Variants in DLG2 observed in about 807,000 individuals in gnomAD.
DLG2 encodes the protein discs large MAGUK scaffold protein 2.
Under a neutral mutation model 132.5 loss-of-function variants are expected in DLG2, and 45 were observed. That is an observed-to-expected ratio of 0.34 (90% CI 0.27 to 0.44). DLG2 has a LOEUF of 0.44. Ranked by LOEUF, DLG2 falls within the 20% of genes least tolerant of loss-of-function variation. DLG2 has a pLI of 1.00. For synonymous variants in DLG2, 424 were observed against 419.6 expected (o/e 1.01, Z -0.13); for missense variants, 1,045 against 1,196.9 (o/e 0.87, Z 1.87).
intron 15 of DLG2, among the ~76,000 whole-genome samples, chr11:83,920,680 C>A (rs183205575): frequency 2.0e-5 from 3 of 152,280 alleles, no homozygotes; most frequent in African/African-American, 7.2e-5. Context: ...GCTCTCAGCA[C>A]TTTATATAAA....
chr11:84,876,982 G>C lies in DLG2; in HGVS notation c.357+234679C>G, dbSNP rs138650615. On this transcript the variant is annotated intron_variant, in intron 6 of 27. Coordinates refer to ENST00000376104, the MANE Select transcript of DLG2 (RefSeq NM_001142699.3). Reference sequence around the variant, plus strand: ...GAGCAGGTTGTTCAGTTTCTATGTAGTTGTGTGATTTTTTGAGTGAGTTTC... The same window carrying C: ...GAGCAGGTTGTTCAGTTTCTATGTACTTGTGTGATTTTTTGAGTGAGTTTC... Among the ~76,000 whole-genome samples the C allele has an allele frequency of 2.2e-3, 331 of 152,318 alleles. 2 individuals carry two copies. The highest frequency in any genetic ancestry group is 7.7e-3 in the African/African-American group (319 of 41,582).
intron 6 of DLG2, among the ~76,000 whole-genome samples, chr11:84,903,913 A>G (rs1335061147): frequency 6.6e-6 from 1 of 152,184 alleles, no homozygotes; most frequent in Non-Finnish European, 1.5e-5. Flanking sequence ...AAAGTTTTAC[A>G]GATAAATGAA....
intron 18 of DLG2, among the ~76,000 whole-genome samples, chr11:83,749,653 T>C (rs1164792047): frequency 6.6e-6 from 1 of 152,148 alleles, no homozygotes; most frequent in Non-Finnish European, 1.5e-5. Context: ...GAGAAATGCA[T>C]CTCTAAGATG....
chr11:84,414,185 A>T (rs1311784796), intron 7 of DLG2, among the ~76,000 whole-genome samples: 1 of 152,196 alleles, frequency 6.6e-6, no homozygotes, highest in African/African-American at 2.4e-5. Context: ...ACCTTTTAAG[A>T]CTATTGTGAA....
intron 6 of DLG2, among the ~76,000 whole-genome samples, chr11:84,748,765 A>G (rs968367229): frequency 6.6e-6 from 1 of 152,168 alleles, no homozygotes; most frequent in Non-Finnish European, 1.5e-5. Flanking sequence ...CTGCTAACTC[A>G]TTGTTCTCTC....
intron 6 of DLG2, among the ~76,000 whole-genome samples, chr11:84,921,347 T>G (rs139087620): frequency 2.6e-5 from 4 of 152,158 alleles, no homozygotes; most frequent in Admixed American, 6.5e-5. Flanking sequence ...TTTGTGGCAA[T>G]GCATATGGTC....
chr11:84,600,056 A>T (rs540023331), intron 6 of DLG2, among the ~76,000 whole-genome samples: 1 of 148,294 alleles, frequency 6.7e-6, no homozygotes, highest in Non-Finnish European at 1.5e-5. Context: ...GAGCCACTGC[A>T]TTCCAGCCTG....
intron 6 of DLG2, among the ~76,000 whole-genome samples, chr11:84,858,028 G>C (rs1476623080): frequency 2.0e-5 from 3 of 151,800 alleles, no homozygotes; most frequent in African/African-American, 4.8e-5. Context: ...GAATAGCTGG[G>C]ACCACAGGTA....
At chr11:84,033,003 A>C (rs1363093778) in intron 11 of DLG2, among the ~76,000 whole-genome samples, 1 of 152,162 alleles carries the variant, frequency 6.6e-6, no homozygotes, top group African/African-American at 2.4e-5. Context: ...TTCTTTCAAA[A>C]TATTGTTGCT....
chr11:84,137,084 T>G (rs1400164144), intron 9 of DLG2, among the ~76,000 whole-genome samples: 1 of 152,144 alleles, frequency 6.6e-6, no homozygotes, highest in Admixed American at 6.6e-5. Flanking sequence ...TCACAGATTT[T>G]CTGGTATGCA....
At chr11:84,199,951 CAA>C (rs1347854376) in intron 8 of DLG2, among the ~76,000 whole-genome samples, 1 of 151,592 alleles carries the variant, frequency 6.6e-6, no homozygotes, top group African/African-American at 2.4e-5. Flanking sequence ...CAATGAATTA[CAA>C]AGAGGATAAA....
At chr11:84,391,391 G>A (rs2098792144) in intron 7 of DLG2, among the ~76,000 whole-genome samples, 1 of 152,192 alleles carries the variant, frequency 6.6e-6, no homozygotes, top group Admixed American at 6.5e-5. Context: ...ATTTGGGGAA[G>A]AGGTTGGATG....
chr11:83,577,409 A>T (rs2096890116), intron 19 of DLG2, among the ~76,000 whole-genome samples: 1 of 146,212 alleles, frequency 6.8e-6, no homozygotes, highest in Non-Finnish European at 1.5e-5. Flanking sequence ...TATATATCTT[A>T]TTAGTTCTAA....
chr11:83,584,744 G>A (rs1248875659), intron 19 of DLG2, among the ~76,000 whole-genome samples: 4 of 152,218 alleles, frequency 2.6e-5, no homozygotes, highest in African/African-American at 9.6e-5. Flanking sequence ...AGCAGCTGAT[G>A]GAGAAGGGTG....
intron 8 of DLG2, among the ~76,000 whole-genome samples, chr11:84,227,751 T>C (rs2097024387): frequency 6.6e-6 from 1 of 151,908 alleles, no homozygotes; most frequent in African/African-American, 2.4e-5. Context: ...TTGTCTCTAC[T>C]AAAAATACAA....
intron 6 of DLG2, among the ~76,000 whole-genome samples, chr11:84,721,637 G>T (rs1179998018): frequency 6.6e-6 from 1 of 152,186 alleles, no homozygotes; most frequent in Non-Finnish European, 1.5e-5. Context: ...AAGGGTGTGG[G>T]GGTAGGAAGT....
chr11:84,364,164 T>C (rs1260591071), intron 7 of DLG2, among the ~76,000 whole-genome samples: 8 of 151,970 alleles, frequency 5.3e-5, no homozygotes, highest in Non-Finnish European at 1.2e-4. Context: ...CTTCCATTTG[T>C]TTGTATCCTC....
chr11:85,516,499 T>G (rs2094172186), intron 3 of DLG2, among the ~76,000 whole-genome samples: 1 of 151,876 alleles, frequency 6.6e-6, no homozygotes, highest in Admixed American at 6.6e-5. Flanking sequence ...AAATGAAAAG[T>G]TTGTTTTCTG....
rs529901233 is a variant in DLG2, at chr11:84,929,907, A to T, written c.357+181754T>A. Among the ~76,000 whole-genome samples, 3 of 152,186 alleles carry T rather than the reference A, an allele frequency of 2.0e-5. No individual in the cohort carries two copies. The East Asian group carries it at 5.8e-4, about 29-fold the overall frequency. On this transcript the variant is annotated intron_variant, in intron 6 of 27. Coordinates refer to ENST00000376104, the MANE Select transcript of DLG2 (RefSeq NM_001142699.3). ...AATACATACTTGCAAAGATTTTTTT[A>T]AATTCCTTACCACAATTACTCACCA...
Sources: allele counts gnomAD v4.1 joint callset (sites outside exome capture counted in the v4.1 genomes callset), GRCh38; gene constraint gnomAD v4.1.1; transcripts MANE v1.5; gene names NCBI Gene and HGNC (gene_info 2026-07-23, HGNC 2026-07-21).